The following BZW1 variants were observed in gnomAD, a reference collection of about 807,000 sequenced individuals.
BZW1 encodes the protein basic leucine zipper and W2 domains 1.
In BZW1, 3 loss-of-function variants were observed where a neutral mutation model predicts 54.1. The ratio of observed to expected loss-of-function variants is 0.06; its 90% CI spans 0.03 to 0.14. BZW1 has a LOEUF of 0.14. BZW1 is among the 10% of genes least tolerant of loss of function. BZW1 has a pLI of 1.00. For missense variants in BZW1, 206 were observed against 491.7 expected (o/e 0.42, Z 5.50); for synonymous variants, 152 against 162.7 (o/e 0.93, Z 0.50).
Position 200,822,281 on chromosome 2 carries a change from A to G in BZW1, c.*103A>G, listed in dbSNP as rs1274961436. 9.7e-7 allele frequency: 1 copy of G among 1,027,484 alleles called. No homozygotes were observed. Among genetic ancestry groups the G allele is most frequent in the Non-Finnish European group, 1.5e-6 (1 of 689,606 alleles). The allele number at this position is 1,027,484 out of a possible 1,614,324, so 63.6% of individuals were successfully genotyped here. A position where few individuals can be genotyped will look rare whatever the true frequency, so the allele number is the denominator to read the frequency against. ...ATCTTCCTACCTCCCTGTATCAAGC[A>G]TGATATAAGGGCTTTCATGGCAAAT... On this transcript the variant is annotated 3_prime_UTR_variant, in exon 12 of 12. Transcript: ENST00000409600.
rs1575055438 is a variant in BZW1, at chr2:200,818,461, G to A, written c.819+68G>A. 1.1e-5 allele frequency: 16 copies of A among 1,514,182 alleles called. No individual in the cohort carries two copies. The East Asian group carries it at 3.6e-4, about 34-fold the overall frequency. The allele number at this position is 1,514,182 out of a possible 1,614,324, so 93.8% of individuals were successfully genotyped here. A position where few individuals can be genotyped will look rare whatever the true frequency, so the allele number is the denominator to read the frequency against. Reference sequence around the variant, plus strand: ...GCATAGAGATTTTCACTAATTTGAGGAACTTACTTCACCAGGATGAGATTG... The same window carrying A: ...GCATAGAGATTTTCACTAATTTGAGAAACTTACTTCACCAGGATGAGATTG... On this transcript the variant is annotated intron_variant, in intron 8 of 11. Transcript: ENST00000409600.
rs12995928 is a variant in BZW1 at position 200,825,019 on chromosome 2, C to T, written c.*2841C>T. On this transcript the variant is annotated 3_prime_UTR_variant, in exon 12 of 12. Coordinates refer to ENST00000409600, the MANE Select transcript of BZW1 (RefSeq NM_001207067.2). The stretch of plus-strand genomic sequence containing the variant: ...CCCATAAATTTTATTACCATAGATA[C>T]GCTGTGTATGTACTGTTTCTGTGCT... The T allele has an allele frequency of 0.6, 90,980 of 151,712 alleles. 28,658 individuals are homozygous for T. The highest frequency in any genetic ancestry group is 0.72 in the Non-Finnish European group (49,190 of 67,958). The allele number at this position is 151,712 out of a possible 1,614,324, so 9.4% of individuals were successfully genotyped here.
At chr2:200,811,908 T>G, upstream of BZW1, 3 of 215,928 alleles carry the variant, frequency 1.4e-5, no homozygotes, top group African/African-American at 2.3e-5. Context: ...CCTCCTGGCG[T>G]TAGTTCCGGT....
In BZW1 at chr2:200,812,375, C is replaced by T. The variant is rs1459217295; in HGVS notation, c.-11+385C>T. 1.6e-5 allele frequency: 20 copies of T among 1,283,928 alleles called. No individual in the cohort carries two copies. The East Asian group carries it at 3.1e-4, about 20-fold the overall frequency. 79.5% of individuals were successfully genotyped at this position (1,283,928 alleles called of 1,614,324 possible). On this transcript the variant is annotated intron_variant, in intron 1 of 11. Transcript: ENST00000409600. ...CCACCCACCACCGCTGCGGCCGCCG[C>T]CTCCGCCGCTGCTTTCGCTGGAGGG...
intron 11 of BZW1, 85 bp from the exon 12 acceptor site, chr2:200,822,062 C>A (rs369440240): frequency 7.7e-7 from 1 of 1,301,142 alleles, no homozygotes; most frequent in Non-Finnish European, 1.1e-6. Context: ...GAGGGAGACT[C>A]TGTCTTAAAG....
rs1575056190 is a variant in BZW1 at position 200,818,887 on chromosome 2, A to G, written c.952A>G (p.Ile318Val). ...AGAGGAGCTTGTAGCAGAGCAAGCCATCAAGCACTTGAAGGTATTAGAACT... is the reference window on the plus strand; with the variant it reads ...AGAGGAGCTTGTAGCAGAGCAAGCCGTCAAGCACTTGAAGGTATTAGAACT... ...KKEELVAEQA[I>V]KHLKQYSPLL... Residue 318 changes from isoleucine to valine, a missense_variant, in exon 9 of 12, where the codon ATC becomes GTC. Ile to Val is a conservative substitution (Grantham distance 29). Coordinates refer to ENST00000409600, the MANE Select transcript of BZW1 (RefSeq NM_001207067.2). 2 of 1,589,516 alleles carry G rather than the reference A, an allele frequency of 1.3e-6. No individual in the cohort carries two copies. Among genetic ancestry groups the G allele is most frequent in the Non-Finnish European group, 1.7e-6 (2 of 1,171,260 alleles).
At chr2:200,818,927 C>G in intron 9 of BZW1, 26 bp downstream of exon 9, 1 of 1,531,678 alleles carries the variant, frequency 6.5e-7, no homozygotes, top group Non-Finnish European at 8.7e-7. Context: ...CTTGACAAAA[C>G]AAACTATTCT....
At chr2:200,818,602 G>T (rs1011476874) in intron 8 of BZW1, among the ~76,000 whole-genome samples, 153 bp from the exon 9 acceptor site, 1 of 152,220 alleles carries the variant, frequency 6.6e-6, no homozygotes, top group African/African-American at 2.4e-5. Flanking sequence ...GCACCTTTCA[G>T]TTGTAAAGGT....
At position 200,813,403 on chromosome 2, in the gene BZW1, A is replaced by G. The variant is rs186795414; in HGVS notation, c.64+122A>G. ...AAAGAAGATACCAGAAAGAAACTTG[A>G]ATTTCTCGTTGACTGCCATTTCACA... is the stretch of plus-strand genomic sequence containing the variant. On this transcript the variant is annotated intron_variant, in intron 2 of 11. Transcript: ENST00000409600. 154 of 856,742 alleles carry G rather than the reference A, an allele frequency of 1.8e-4. No homozygotes were observed. The East Asian group carries it at 4.0e-3, about 22-fold the overall frequency. The allele number at this position is 856,742 out of a possible 1,614,324, so 53.1% of individuals were successfully genotyped here.
chr2:200,824,696 G>A lies in BZW1; in HGVS notation c.*2518G>A, dbSNP rs1167608085. The A allele has an allele frequency of 1.2e-4, 16 of 135,090 alleles. No individual in the cohort carries two copies. The highest frequency in any genetic ancestry group is 4.2e-4 in the East Asian group (2 of 4,760). 8.4% of individuals were successfully genotyped at this position (135,090 alleles called of 1,614,324 possible). On this transcript the variant is annotated 3_prime_UTR_variant, in exon 12 of 12. Transcript: ENST00000409600. Reference sequence around the variant, plus strand: ...GCTTTTTTTTTTTTTTTTTTGAGACGGAGTCTCGCTCTGTCACCAGGCTGG... The same window carrying A: ...GCTTTTTTTTTTTTTTTTTTGAGACAGAGTCTCGCTCTGTCACCAGGCTGG...
Position 200,816,333 on chromosome 2 carries a change from C to A in BZW1, c.345C>A (p.Asn115Lys). 1 of 1,584,162 alleles carries A rather than the reference C, an allele frequency of 6.3e-7. No homozygotes were observed. Among genetic ancestry groups the A allele is most frequent in the South Asian group, 1.1e-5 (1 of 87,266 alleles). The change falls in exon 5 of 12, where the codon AAC (asparagine) becomes AAA (lysine). Residue 115 changes from asparagine to lysine, a missense_variant. Around this residue, in one of 5 missense-constraint regions of BZW1, gnomAD observed 81 missense variants for 257.1 expected, o/e 0.32. Transcript: ENST00000409600. ...TTTAATGTTCTTCATAGGTTTTTAACAAGTTAATCAGGCGCTACAAATACC... is the reference window on the plus strand; with the variant it reads ...TTTAATGTTCTTCATAGGTTTTTAAAAAGTTAATCAGGCGCTACAAATACC... ...ETMQAFAQVF[N>K]KLIRRYKYLE...
In BZW1 at chr2:200,824,511, A is replaced by C. The variant is rs2038639682; in HGVS notation, c.*2333A>C. ...CATTCTATATATAGATGTTTATTCC[A>C]TTCTTATTTAAAAAAAAAAACCTCC... is the stretch of plus-strand genomic sequence containing the variant. On this transcript the variant is annotated 3_prime_UTR_variant, in exon 12 of 12. Transcript: ENST00000409600. 6.6e-6 allele frequency: 1 copy of C among 150,864 alleles called. No homozygotes were observed. Among genetic ancestry groups the C allele is most frequent in the African/African-American group, 2.4e-5 (1 of 41,066 alleles). The allele number at this position is 150,864 out of a possible 1,614,324, so 9.3% of individuals were successfully genotyped here. A position where few individuals can be genotyped will look rare whatever the true frequency, so the allele number is the denominator to read the frequency against.
chr2:200,826,425 T>A lies in BZW1; in HGVS notation c.*4247T>A, dbSNP rs2038702833. The A allele has an allele frequency of 1.9e-5, 2 of 102,618 alleles. No homozygotes were observed. Among genetic ancestry groups the A allele is most frequent in the African/African-American group, 3.5e-5 (1 of 28,238 alleles). 6.4% of individuals were successfully genotyped at this position (102,618 alleles called of 1,614,324 possible). ...GATAGATATTTTTTTTTTTTTTTTTTTTTTTTTTTTTTTTTTTGAGACAGA... is the reference window on the plus strand; with the variant it reads ...GATAGATATTTTTTTTTTTTTTTTTATTTTTTTTTTTTTTTTTGAGACAGA... On this transcript the variant is annotated 3_prime_UTR_variant, in exon 12 of 12. Transcript: ENST00000409600.
chr2:200,826,397 ATAGATAGATATTTTTT>A lies in BZW1; in HGVS notation c.*4221_*4236del, dbSNP rs1164072778. ...TATAGATAGATAGATAGATAGATAG[ATAGATAGATATTTTTT>A]TTTTTTTTTTTTTTTTTTTTTTTTT... On this transcript the variant is annotated 3_prime_UTR_variant, in exon 12 of 12. Coordinates refer to ENST00000409600, the MANE Select transcript of BZW1 (RefSeq NM_001207067.2). The A allele has an allele frequency of 0.014, 910 of 63,258 alleles. 34 individuals are homozygous for A. Among genetic ancestry groups the A allele is most frequent in the African/African-American group, 0.047 (858 of 18,378 alleles). 3.9% of individuals were successfully genotyped at this position (63,258 alleles called of 1,614,324 possible). A position where few individuals can be genotyped will look rare whatever the true frequency, so the allele number is the denominator to read the frequency against.
chr2:200,818,651 A>G (rs1019161243), intron 8 of BZW1, 104 bp from the exon 9 acceptor site: 2 of 1,316,210 alleles, frequency 1.5e-6, no homozygotes, highest in East Asian at 2.4e-5. Flanking sequence ...TGCCAGTTGC[A>G]TGGAAAAGGA....
chr2:200,813,376 C>G, intron 2 of BZW1, 95 bp downstream of exon 2: 2 of 1,096,940 alleles, frequency 1.8e-6, no homozygotes, highest in Non-Finnish European at 2.6e-6. Flanking sequence ...ACTAAAGCCT[C>G]AAAAGAAGAT....
chr2:200,823,536 G>A lies in BZW1; in HGVS notation c.*1358G>A, dbSNP rs1458667156. 1.3e-5 allele frequency: 2 copies of A among 152,328 alleles called. No homozygotes were observed. Among genetic ancestry groups the A allele is most frequent in the African/African-American group, 4.8e-5 (2 of 41,336 alleles). The allele number at this position is 152,328 out of a possible 1,614,324, so 9.4% of individuals were successfully genotyped here. ...CTGGAATAATGCCACCAGAGACTGA[G>A]TGGAAATCGCCCCTTTTGAAGGTGC... On this transcript the variant is annotated 3_prime_UTR_variant, in exon 12 of 12. Transcript: ENST00000409600.
Position 200,821,253 on chromosome 2 carries a change from T to G in BZW1, c.1176T>G (p.Val392=). ...KDAHVAKGKS[V]FLEQMKKFVE... ...CACATGTTGCAAAGGGGAAGAGTGTTTTCCTTGAGCAAATGAAAAAGTTTG... is the reference window on the plus strand; with the variant it reads ...CACATGTTGCAAAGGGGAAGAGTGTGTTCCTTGAGCAAATGAAAAAGTTTG... Residue 392 remains valine, a synonymous_variant, in exon 11 of 12, where the codon GTT becomes GTG. Coordinates refer to ENST00000409600, the MANE Select transcript of BZW1 (RefSeq NM_001207067.2). 6.2e-7 allele frequency: 1 copy of G among 1,613,124 alleles called. No homozygotes were observed. The highest frequency in any genetic ancestry group is 1.1e-5 in the South Asian group (1 of 91,042).
In BZW1 at chr2:200,819,973, C is replaced by A; in HGVS notation, c.967-9C>A. 1 of 1,484,722 alleles carries A rather than the reference C, an allele frequency of 6.7e-7. No homozygotes were observed. The allele number at this position is 1,484,722 out of a possible 1,614,324, so 92.0% of individuals were successfully genotyped here. On this transcript the variant is annotated splice_polypyrimidine_tract_variant and intron_variant, in intron 9 of 11. Coordinates refer to ENST00000409600, the MANE Select transcript of BZW1 (RefSeq NM_001207067.2). Reference sequence around the variant, plus strand: ...GAATGACTAAATCTTTTCTCTGTTCCTTTAAAAGCAATACAGCCCTCTACT... The same window carrying A: ...GAATGACTAAATCTTTTCTCTGTTCATTTAAAAGCAATACAGCCCTCTACT...
Sources: allele counts gnomAD v4.1 joint callset (sites outside exome capture counted in the v4.1 genomes callset), GRCh38; gene constraint gnomAD v4.1.1; regional missense constraint gnomAD v4.1.1; transcripts MANE v1.5; gene names NCBI Gene and HGNC (gene_info 2026-07-23, HGNC 2026-07-21).